The following LRRC1 variants were observed in gnomAD, a reference collection of about 807,000 sequenced individuals.
The protein encoded by LRRC1 is leucine-rich repeat-containing protein 1.
A neutral mutation model predicts 69.9 loss-of-function variants in LRRC1; 28 were observed. That is an observed-to-expected ratio of 0.40 (90% CI 0.30 to 0.55). LRRC1 has a LOEUF of 0.55. Ranked by LOEUF, LRRC1 falls within the 20% of genes least tolerant of loss-of-function variation. The pLI, the probability that LRRC1 is intolerant of heterozygous loss-of-function variation, is 0.47. For missense variants in LRRC1, 498 were observed against 609.0 expected (o/e 0.82, Z 1.92); for synonymous variants, 236 against 240.2 (o/e 0.98, Z 0.16).
chr6:53,831,169 A>G (rs551751674), intron 1 of LRRC1, among the ~76,000 whole-genome samples: 7 of 152,054 alleles, frequency 4.6e-5, no homozygotes, highest in South Asian at 2.1e-4. Flanking sequence ...AAATTCTACA[A>G]TGGTTATAAT....
intron 1 of LRRC1, among the ~76,000 whole-genome samples, chr6:53,809,658 A>G (rs1209514570): frequency 1.3e-5 from 2 of 152,206 alleles, no homozygotes; most frequent in Non-Finnish European, 2.9e-5. Context: ...GTTTATTTCA[A>G]TTTTCAGATA....
intron 1 of LRRC1, among the ~76,000 whole-genome samples, chr6:53,824,263 TC>T (rs1765197308): frequency 6.6e-6 from 1 of 152,196 alleles, no homozygotes; most frequent in Non-Finnish European, 1.5e-5. Flanking sequence ...AGCTTTTTTT[TC>T]ATATGCTTGT....
intron 3 of LRRC1, among the ~76,000 whole-genome samples, chr6:53,880,647 A>G (rs1287088940): frequency 6.6e-6 from 1 of 152,044 alleles, no homozygotes; most frequent in African/African-American, 2.4e-5. Context: ...GGCTTTCCCA[A>G]TTACTATCCA....
chr6:53,906,616 CAA>C (rs927633055), intron 10 of LRRC1, among the ~76,000 whole-genome samples: 1 of 152,192 alleles, frequency 6.6e-6, no homozygotes, highest in African/African-American at 2.4e-5. Context: ...GAAACACACT[CAA>C]GAGTTTCTGA....
At chr6:53,887,469 C>T (rs916097038) in intron 4 of LRRC1, among the ~76,000 whole-genome samples, 7 of 151,988 alleles carry the variant, frequency 4.6e-5, no homozygotes, top group African/African-American at 1.7e-4. Flanking sequence ...ATGATGCTGA[C>T]AGTCTCGGTG....
At chr6:53,920,528 C>A in intron 12 of LRRC1, 97 bp from the exon 13 acceptor site, 1 of 1,378,726 alleles carries the variant, frequency 7.3e-7, no homozygotes, top group Non-Finnish European at 1.0e-6. Context: ...TACCCCTGGT[C>A]CTCCGTATAG....
At chr6:53,828,225 T>C (rs1765329653) in intron 1 of LRRC1, among the ~76,000 whole-genome samples, 1 of 152,120 alleles carries the variant, frequency 6.6e-6, no homozygotes, top group African/African-American at 2.4e-5. Flanking sequence ...TCCTTTATTT[T>C]CATAATTAGA....
intron 1 of LRRC1, among the ~76,000 whole-genome samples, chr6:53,800,179 C>T (rs1764430446): frequency 6.6e-6 from 1 of 151,286 alleles, no homozygotes. Flanking sequence ...AGAGTTAGCT[C>T]TCAGATGTCT....
intron 1 of LRRC1, among the ~76,000 whole-genome samples, chr6:53,814,191 A>G (rs1409071535): frequency 3.9e-5 from 6 of 152,164 alleles, no homozygotes; most frequent in East Asian, 1.9e-4. Flanking sequence ...TATTTGTGGT[A>G]TTGATTTATT....
intron 2 of LRRC1, among the ~76,000 whole-genome samples, chr6:53,854,771 T>C (rs774109245): frequency 2.6e-5 from 4 of 152,272 alleles, no homozygotes; most frequent in Non-Finnish European, 5.9e-5. Flanking sequence ...TCTTTTCATT[T>C]CTGTTTTATA....
At position 53,923,827 on chromosome 6, in the gene LRRC1, A is replaced by G. The variant is rs531890746; in HGVS notation, c.*1034A>G. 8 of 152,770 alleles carry G rather than the reference A, an allele frequency of 5.2e-5. No homozygotes were observed. The highest frequency in any genetic ancestry group is 4.6e-4 in the Admixed American group (7 of 15,308). 9.5% of individuals were successfully genotyped at this position (152,770 alleles called of 1,614,324 possible). A position where few individuals can be genotyped will look rare whatever the true frequency, so the allele number is the denominator to read the frequency against. On this transcript the variant is annotated 3_prime_UTR_variant, in exon 14 of 14. Transcript: ENST00000370888. The stretch of plus-strand genomic sequence containing the variant: ...CTTTAAAAGTTTTATATCCAGATAT[A>G]CAACCACAATAAAGCAAAATAACCT...
Position 53,873,441 on chromosome 6 carries a change from G to A in LRRC1, c.278-5552G>A, listed in dbSNP as rs183995025. Among the ~76,000 whole-genome samples, 411 of 149,578 alleles carry A rather than the reference G, an allele frequency of 2.7e-3. 3 individuals are homozygous for A. The highest frequency in any genetic ancestry group is 8.7e-3 in the African/African-American group (354 of 40,774). The stretch of plus-strand genomic sequence containing the variant: ...CGAATAGCTGGGACCACAGGTATCC[G>A]CCACCACGCCCGGCTAATTTTTTTT... On this transcript the variant is annotated intron_variant, in intron 2 of 13. Transcript: ENST00000370888.
At chr6:53,803,757 A>G (rs1228508733) in intron 1 of LRRC1, among the ~76,000 whole-genome samples, 1 of 152,186 alleles carries the variant, frequency 6.6e-6, no homozygotes, top group Non-Finnish European at 1.5e-5. Context: ...ACCCCAAGGA[A>G]TGGATTTGCC....
intron 2 of LRRC1, among the ~76,000 whole-genome samples, chr6:53,861,105 C>A (rs1766498447): frequency 6.6e-6 from 1 of 152,020 alleles, no homozygotes; most frequent in Non-Finnish European, 1.5e-5. Context: ...ACCTGGTACA[C>A]CAGATTCCTG....
Position 53,922,706 on chromosome 6 carries a change from A to G in LRRC1, c.1488A>G (p.Leu496=). ...ACATGAAAAAGACAGTGGAGAATTT[A>G]CGGAATGACATGAATGCTGCTAAAG... ...LKHMKKTVEN[L]RNDMNAAKGL... Residue 496 remains leucine, a synonymous_variant, in exon 14 of 14, where the codon TTA becomes TTG. Coordinates refer to ENST00000370888, the MANE Select transcript of LRRC1 (RefSeq NM_018214.5). 1 of 1,614,148 alleles carries G rather than the reference A, an allele frequency of 6.2e-7. No individual in the cohort carries two copies. The highest frequency in any genetic ancestry group is 1.3e-5 in the African/African-American group (1 of 75,060).
At position 53,872,844 on chromosome 6, in the gene LRRC1, C is replaced by T. The variant is rs532866692; in HGVS notation, c.278-6149C>T. ...CATTCTTGGATCACTGCAACCTTGGCCTCCCACGTTCAAGCAATTCTCTTG... is the reference window on the plus strand; with the variant it reads ...CATTCTTGGATCACTGCAACCTTGGTCTCCCACGTTCAAGCAATTCTCTTG... On this transcript the variant is annotated intron_variant, in intron 2 of 13. Coordinates refer to ENST00000370888, the MANE Select transcript of LRRC1 (RefSeq NM_018214.5). Among the ~76,000 whole-genome samples the T allele has an allele frequency of 9.5e-5, 14 of 146,754 alleles. No homozygotes were observed. In the East Asian group the frequency reaches 1.8e-3, roughly 19 times the overall value.
intron 12 of LRRC1, 21 bp downstream of exon 12, chr6:53,919,691 G>A (rs1768680441): frequency 6.2e-7 from 1 of 1,605,798 alleles, no homozygotes; most frequent in Non-Finnish European, 8.5e-7. Context: ...TTTAAGGACA[G>A]TATTCACAGG....
At chr6:53,828,578 A>G (rs1338137937) in intron 1 of LRRC1, among the ~76,000 whole-genome samples, 3 of 152,220 alleles carry the variant, frequency 2.0e-5, no homozygotes, top group African/African-American at 7.2e-5. Flanking sequence ...AACTCCTTCC[A>G]TTCCTTTCAT....
chr6:53,896,661 T>G, intron 5 of LRRC1, 107 bp downstream of exon 5: 1 of 1,170,252 alleles, frequency 8.5e-7, no homozygotes, highest in Non-Finnish European at 1.3e-6. Context: ...TTTTGGGAAG[T>G]TTGGGGGATG....
Sources: allele counts gnomAD v4.1 joint callset (sites outside exome capture counted in the v4.1 genomes callset), GRCh38; gene constraint gnomAD v4.1.1; transcripts MANE v1.5; gene names NCBI Gene and HGNC (gene_info 2026-07-23, HGNC 2026-07-21).